UQCC6: variants seen among roughly 807,000 people sequenced by gnomAD.
UQCC6 encodes ubiquinol-cytochrome c reductase complex assembly factor 6.
the UQCC6 span, among the ~76,000 whole-genome samples, chr12:103,952,049 A>G: frequency 1.3e-5 from 2 of 152,372 alleles, no homozygotes; most frequent in South Asian, 4.1e-4. Flanking sequence ...CAAAGCAGAA[A>G]GCAGTATGCA....
the UQCC6 span, chr12:103,953,291 G>C: frequency 2.9e-6 from 2 of 697,428 alleles, no homozygotes; most frequent in South Asian, 1.5e-5. Context: ...TTAATCCAAT[G>C]GGATCTGCTC....
chr12:103,964,131 CTTTTTTTTTTTTTTTTT>C, the UQCC6 span, among the ~76,000 whole-genome samples: 3 of 69,470 alleles, frequency 4.3e-5, no homozygotes, highest in Non-Finnish European at 7.7e-5. Context: ...CTCCCATAAG[CTTTTTTTTTTTTTTTTT>C]TTTTTTTTTT....
the UQCC6 span, chr12:103,956,887 C>A: frequency 3.3e-6 from 2 of 599,492 alleles, no homozygotes; most frequent in Non-Finnish European, 6.0e-6. Flanking sequence ...TCTCGCCCAA[C>A]CCCACGCCTC....
chr12:103,956,801 G>C, the UQCC6 span: 1 of 1,205,478 alleles, frequency 8.3e-7, no homozygotes, highest in South Asian at 1.3e-5. Flanking sequence ...CGACTACACC[G>C]CGCCAGGGCT....
the UQCC6 span, chr12:103,953,735 A>G: frequency 2.2e-5 from 13 of 599,128 alleles, no homozygotes; most frequent in East Asian, 5.7e-5. Flanking sequence ...AGACCCTTCA[A>G]TATGGCCCTT....
the UQCC6 span, chr12:103,951,511 T>C: frequency 3.6e-6 from 5 of 1,380,968 alleles, no homozygotes; most frequent in Non-Finnish European, 5.0e-6. Flanking sequence ...ATTCACAGAA[T>C]TCTTGGCATA....
the UQCC6 span, chr12:103,953,495 C>A: frequency 1.4e-6 from 1 of 702,390 alleles, no homozygotes; most frequent in Non-Finnish European, 2.6e-6. Context: ...CTGCCCAGAC[C>A]TTCCAGTTCT....
the UQCC6 span, among the ~76,000 whole-genome samples, chr12:103,959,340 G>A: frequency 6.6e-6 from 1 of 152,196 alleles, no homozygotes; most frequent in Non-Finnish European, 1.5e-5. Context: ...GTCTTTCTGA[G>A]AACATGGGCT....
chr12:103,958,035 TA>T, the UQCC6 span, among the ~76,000 whole-genome samples: 2 of 143,304 alleles, frequency 1.4e-5, no homozygotes, highest in African/African-American at 5.1e-5. Flanking sequence ...TATATATTTT[TA>T]AATATATATG....
the UQCC6 span, among the ~76,000 whole-genome samples, chr12:103,959,036 C>A: frequency 6.6e-6 from 1 of 152,178 alleles, no homozygotes; most frequent in Non-Finnish European, 1.5e-5. Context: ...AGAAACACTG[C>A]GTATAACCAA....
chr12:103,963,724 ATTTTTTCTAATTGT>A, the UQCC6 span, among the ~76,000 whole-genome samples: 1 of 151,936 alleles, frequency 6.6e-6, no homozygotes, highest in South Asian at 2.1e-4. Context: ...TGTGAATGGT[ATTTTTTCTAATTGT>A]TTGTTGTTAG....
At chr12:103,959,974 C>T in the UQCC6 span, among the ~76,000 whole-genome samples, 1 of 151,556 alleles carries the variant, frequency 6.6e-6, no homozygotes, top group African/African-American at 2.4e-5. Flanking sequence ...GGGGTTTCAC[C>T]ATGTTGTCCA....
the UQCC6 span, among the ~76,000 whole-genome samples, chr12:103,961,165 C>T: frequency 1.7e-5 from 2 of 115,644 alleles, no homozygotes; most frequent in African/African-American, 3.3e-5. Flanking sequence ...AAGTTTTTCA[C>T]AAAATTTTTA....
chr12:103,955,630 A>G, the UQCC6 span: 1 of 412,740 alleles, frequency 2.4e-6, no homozygotes, highest in Admixed American at 2.8e-5. Context: ...AGACCTGTCT[A>G]ATTTTTTTAA....
At chr12:103,951,003 C>T in the UQCC6 span, 4 of 152,288 alleles carry the variant, frequency 2.6e-5, no homozygotes, top group African/African-American at 4.8e-5. Flanking sequence ...CTTTTCTTCA[C>T]GCAAAAGGTG....
chr12:103,963,541 G>A, the UQCC6 span, among the ~76,000 whole-genome samples: 1 of 152,076 alleles, frequency 6.6e-6, no homozygotes, highest in Non-Finnish European at 1.5e-5. Context: ...GCATTATATT[G>A]AATCTTTAAA....
At chr12:103,956,730 C>T in the UQCC6 span, 13 of 1,551,040 alleles carry the variant, frequency 8.4e-6, no homozygotes, top group Admixed American at 2.4e-4. Flanking sequence ...TGGGCACGCC[C>T]GCGGGCATGG....
the UQCC6 span, among the ~76,000 whole-genome samples, chr12:103,964,624 C>T: frequency 6.6e-6 from 1 of 152,216 alleles, no homozygotes. Flanking sequence ...TCTCCCAAAG[C>T]ATTCAGCAGT....
chr12:103,965,474 C>G, the UQCC6 span: 1 of 152,540 alleles, frequency 6.6e-6, no homozygotes, highest in African/African-American at 2.4e-5. Flanking sequence ...CCTCGACGCC[C>G]AGGTTTTCCA....
Sources: gnomAD v4.1 joint callset for allele counts (sites outside exome capture counted in the v4.1 genomes callset) on GRCh38, gnomAD v4.1.1 for gene constraint, MANE v1.5 for transcripts, NCBI Gene and HGNC (gene_info 2026-07-23, HGNC 2026-07-21) for gene names.